SMURF2: variants seen among roughly 807,000 people sequenced by gnomAD.
The protein encoded by SMURF2 is E3 ubiquitin-protein ligase SMURF2.
In SMURF2, 48 loss-of-function variants were observed where a neutral mutation model predicts 109.6. The ratio of observed to expected loss-of-function variants is 0.44; its 90% CI spans 0.35 to 0.56. SMURF2 has a LOEUF of 0.56. SMURF2 is among the 20% of genes least tolerant of loss of function. SMURF2 has a pLI of 0.01. For missense variants in SMURF2, 575 were observed against 909.0 expected (o/e 0.63, Z 4.72); for synonymous variants, 288 against 317.1 (o/e 0.91, Z 0.97).
intron 1 of SMURF2, among the ~76,000 whole-genome samples, chr17:64,608,035 AAAT>A (rs1969995614): frequency 6.7e-6 from 1 of 150,240 alleles, no homozygotes; most frequent in Non-Finnish European, 1.5e-5. Flanking sequence ...ATAAATAAAT[AAAT>A]AAATAAATCT....
In SMURF2 at chr17:64,581,127, T is replaced by C; in HGVS notation, c.570-136A>G. On this transcript the variant is annotated intron_variant, in intron 7 of 18. Transcript: ENST00000262435. The surrounding 1 kb of genome is among the most constrained non-coding windows in gnomAD (Gnocchi z 4.3). ...GAATGACTAATACAAGTATAATGAC[T>C]TCAAGAACTCTGAGTAAAAGCAAAC... The C allele has an allele frequency of 1.3e-6, 1 of 774,338 alleles. No individual in the cohort carries two copies. The highest frequency in any genetic ancestry group is 1.8e-5 in the South Asian group (1 of 54,470). The allele number at this position is 774,338 out of a possible 1,614,324, so 48.0% of individuals were successfully genotyped here. A position where few individuals can be genotyped will look rare whatever the true frequency, so the allele number is the denominator to read the frequency against.
intron 12 of SMURF2, among the ~76,000 whole-genome samples, chr17:64,559,126 T>C (rs551524714): frequency 6.6e-6 from 1 of 152,324 alleles, no homozygotes; most frequent in South Asian, 2.1e-4. Context: ...GGTGTGTGTA[T>C]GTGTTTTTTA....
intron 18 of SMURF2, 78 bp from the exon 19 acceptor site, chr17:64,546,025 C>G (rs1047865783): frequency 1.0e-6 from 1 of 967,782 alleles, no homozygotes; most frequent in Non-Finnish European, 1.7e-6. Context: ...ACCAGTATAG[C>G]CACATCACTC....
At chr17:64,562,285 CAAAAAAAAAAAA>C (rs782461489) in intron 11 of SMURF2, among the ~76,000 whole-genome samples, 9 of 19,020 alleles carry the variant, frequency 4.7e-4, no homozygotes, top group Admixed American at 1.5e-3. Context: ...GACTCCGTCT[CAAAAAAAAAAAA>C]AAAAAAAAAA....
chr17:64,579,500 T>C (rs1409786646), intron 8 of SMURF2, among the ~76,000 whole-genome samples: 1 of 152,206 alleles, frequency 6.6e-6, no homozygotes, highest in African/African-American at 2.4e-5. Flanking sequence ...AGCCTTGGTA[T>C]CCACTTTATT....
In SMURF2 at chr17:64,545,729, AAAAAGGG is replaced by A; in HGVS notation, c.*112_*118del. 23 of 227,922 alleles carry A rather than the reference AAAAAGGG, an allele frequency of 1.0e-4. No individual in the cohort carries two copies. The highest frequency in any genetic ancestry group is 1.6e-4 in the East Asian group (2 of 12,264). 14.1% of individuals were successfully genotyped at this position (227,922 alleles called of 1,614,324 possible). A position where few individuals can be genotyped will look rare whatever the true frequency, so the allele number is the denominator to read the frequency against. On this transcript the variant is annotated 3_prime_UTR_variant, in exon 19 of 19. Coordinates refer to ENST00000262435, the MANE Select transcript of SMURF2 (RefSeq NM_022739.4). ...TGTCCTAAAATGTAAAAAAAAAAAA[AAAAAGGG>A]GGGGGGGGGGAGTGTTTTCCTGTAT...
intron 1 of SMURF2, among the ~76,000 whole-genome samples, chr17:64,653,231 A>G (rs1413630394): frequency 6.6e-6 from 1 of 152,174 alleles, no homozygotes; most frequent in East Asian, 1.9e-4. Context: ...ATTTTAAAAC[A>G]TGAACAAAAG....
chr17:64,622,205 CT>C (rs1970215966), intron 1 of SMURF2, among the ~76,000 whole-genome samples: 3 of 151,362 alleles, frequency 2.0e-5, no homozygotes, highest in Non-Finnish European at 4.4e-5. Flanking sequence ...ATGTAATAAA[CT>C]TTTTATTTTA....
rs1451630414 is a variant in SMURF2 at position 64,662,042 on chromosome 17, C to A, written c.-162G>T. The stretch of plus-strand genomic sequence containing the variant: ...TGCCGAGAGTCGTCGCCATGAGCCG[C>A]GGAGGGAGCGGGACGCCGAGCTCCC... On this transcript the variant is annotated 5_prime_UTR_variant, in exon 1 of 19. Coordinates refer to ENST00000262435, the MANE Select transcript of SMURF2 (RefSeq NM_022739.4). 4 of 1,112,394 alleles carry A rather than the reference C, an allele frequency of 3.6e-6. No homozygotes were observed. In the East Asian group the frequency reaches 1.5e-4, roughly 41 times the overall value. 68.9% of individuals were successfully genotyped at this position (1,112,394 alleles called of 1,614,324 possible). A position where few individuals can be genotyped will look rare whatever the true frequency, so the allele number is the denominator to read the frequency against.
intron 10 of SMURF2, among the ~76,000 whole-genome samples, chr17:64,564,008 T>C (rs1368032713): frequency 6.6e-6 from 1 of 152,136 alleles, no homozygotes; most frequent in Non-Finnish European, 1.5e-5. Flanking sequence ...ATATCAGATA[T>C]GTAAATATCT....
In SMURF2 at chr17:64,547,757, C is replaced by T; in HGVS notation, c.1914G>A (p.Lys638=). 2.5e-6 allele frequency: 4 copies of T among 1,614,186 alleles called. No homozygotes were observed. The highest frequency in any genetic ancestry group is 1.6e-4 in the Middle Eastern group (1 of 6,062). Reference sequence around the variant, plus strand: ...TACAGTGTTTTAACCGGGTGTTTACCTTCCAGTCATTAACATCTATCTTTC... The same window carrying T: ...TACAGTGTTTTAACCGGGTGTTTACTTTCCAGTCATTAACATCTATCTTTC... ...GLGKIDVNDW[K]VNTRLKHCTP... is the part of the protein sequence containing the mutation. The change falls in exon 17 of 19, where the codon AAG becomes AAA. Residue 638 remains lysine, a synonymous_variant. Transcript: ENST00000262435. This position sits in a 1 kb window ranked among gnomAD's most constrained non-coding sequence, Gnocchi z 4.2.
At chr17:64,653,584 G>C (rs540482419) in intron 1 of SMURF2, among the ~76,000 whole-genome samples, 1 of 152,220 alleles carries the variant, frequency 6.6e-6, no homozygotes, top group East Asian at 1.9e-4. Context: ...TCAGGTAGCT[G>C]ATACTACAGG....
intron 9 of SMURF2, among the ~76,000 whole-genome samples, chr17:64,576,289 A>G (rs1396999957): frequency 1.3e-5 from 2 of 152,088 alleles, no homozygotes; most frequent in Non-Finnish European, 2.9e-5. Flanking sequence ...GTGTCATTTC[A>G]TCTTTTTGAA....
chr17:64,554,450 G>A (rs1365825645), intron 15 of SMURF2, among the ~76,000 whole-genome samples: 3 of 152,170 alleles, frequency 2.0e-5, no homozygotes, highest in African/African-American at 7.2e-5. Flanking sequence ...GAGAGGGAGT[G>A]GTCATGGAGA....
chr17:64,619,492 AAAAAAAAAAAAG>A (rs1568197794), intron 1 of SMURF2, among the ~76,000 whole-genome samples: 4 of 151,288 alleles, frequency 2.6e-5, no homozygotes, highest in Non-Finnish European at 4.4e-5. Context: ...AAAAAAAAAA[AAAAAAAAAAAAG>A]AAGAAGAATA....
chr17:64,555,765 A>ATT, intron 14 of SMURF2, 55 bp downstream of exon 14: 3 of 1,238,662 alleles, frequency 2.4e-6, no homozygotes, highest in Non-Finnish European at 3.3e-6. Flanking sequence ...TTTGAAACAT[A>ATT]TTTTTTTTTA....
chr17:64,595,719 A>C (rs1180916394), intron 3 of SMURF2, among the ~76,000 whole-genome samples: 5 of 150,956 alleles, frequency 3.3e-5, no homozygotes, highest in African/African-American at 1.2e-4. Context: ...ACAGCCAATT[A>C]ATATTAATTG....
chr17:64,636,395 G>A (rs1555692082), intron 1 of SMURF2, among the ~76,000 whole-genome samples: 5 of 152,056 alleles, frequency 3.3e-5, no homozygotes, highest in African/African-American at 1.2e-4. Flanking sequence ...CTGAGATCAG[G>A]AGTTCAAGAC....
Position 64,561,589 on chromosome 17 carries a change from C to G in SMURF2, c.1227G>C (p.Gln409His), listed in dbSNP as rs1555684525. The G allele has an allele frequency of 1.2e-6, 2 of 1,612,288 alleles. No individual in the cohort carries two copies. The highest frequency in any genetic ancestry group is 8.5e-7 in the Non-Finnish European group (1 of 1,179,602). Reference protein sequence around the residue: ...REEIFEESYRQVMKMRPKDLW... With the variant: ...REEIFEESYRHVMKMRPKDLW... ...GATCTTTTGGTCTCATTTTCATGACCTGTCGATATGATTCCTGAAAAAAAT... is the reference window on the plus strand; with the variant it reads ...GATCTTTTGGTCTCATTTTCATGACGTGTCGATATGATTCCTGAAAAAAAT... Residue 409 changes from glutamine (Q) to histidine (H), a missense_variant, in exon 12 of 19, where the codon CAG (glutamine) becomes CAC (histidine). Coordinates refer to ENST00000262435, the MANE Select transcript of SMURF2 (RefSeq NM_022739.4).
Sources: gnomAD v4.1 joint callset for allele counts (sites outside exome capture counted in the v4.1 genomes callset) on GRCh38, gnomAD v4.1.1 for gene constraint, Gnocchi (gnomAD v3.1) non-coding constraint, MANE v1.5 for transcripts, NCBI Gene and HGNC (gene_info 2026-07-23, HGNC 2026-07-21) for gene names.